Variants in XYLB observed in about 807,000 individuals in gnomAD.
XYLB encodes xylulose kinase.
Under a neutral mutation model 78.7 loss-of-function variants are expected in XYLB, and 62 were observed. The observed-to-expected ratio is 0.79, with a 90% CI of 0.64 to 0.97. XYLB has a LOEUF of 0.97. Among genes scored for constraint, XYLB ranks in the 50% least tolerant of loss-of-function variants. XYLB has a pLI of 0.00. For synonymous variants in XYLB, 245 were observed against 247.4 expected, an observed-to-expected ratio of 0.99 and a Z score of 0.09; for missense variants, 687 against 676.8, an observed-to-expected ratio of 1.02 and a Z score of -0.17.
At chr3:38,402,571 C>T (rs142526861) in intron 18 of XYLB, among the ~76,000 whole-genome samples, 3 of 152,312 alleles carry the variant, frequency 2.0e-5, no homozygotes, top group Admixed American at 6.5e-5. Context: ...AGATAAAGGA[C>T]ATTTAAGTTC....
the XYLB span, among the ~76,000 whole-genome samples, chr3:38,444,945 C>T: frequency 6.6e-6 from 1 of 152,146 alleles, no homozygotes; most frequent in African/African-American, 2.4e-5. Context: ...TTTAGTGGCC[C>T]TTACCGACAC....
rs750727433 is a variant in XYLB at position 38,400,981 on chromosome 3, C to T, written c.1529C>T (p.Ser510Phe). 1.2e-6 allele frequency: 2 copies of T among 1,613,998 alleles called. No homozygotes were observed. Among genetic ancestry groups the T allele is most frequent in the Admixed American group, 1.7e-5 (1 of 60,004 alleles). ...RLAATPSPGASQVYEALLPQY... is the reference protein window; with the variant it reads ...RLAATPSPGAFQVYEALLPQY... ...GCTGCTACCCCAAGCCCGGGAGCTT[C>T]TCAGGTGAGAGACCATCGGAATTTG... The change falls in exon 18 of 19, where the codon TCT becomes TTT. Residue 510 changes from serine to phenylalanine, a missense_variant. Coordinates refer to ENST00000207870, the MANE Select transcript of XYLB (RefSeq NM_005108.4).
intron 18 of XYLB, among the ~76,000 whole-genome samples, chr3:38,411,984 C>CTT (rs5848424): frequency 4.3e-5 from 6 of 138,194 alleles, no homozygotes; most frequent in Admixed American, 7.2e-5. Context: ...GATCTCAACT[C>CTT]TTTTTTTTTT....
chr3:38,413,120 C>G lies in XYLB; in HGVS notation c.*107C>G. On this transcript the variant is annotated 3_prime_UTR_variant, in exon 19 of 19. Coordinates refer to ENST00000207870, the MANE Select transcript of XYLB (RefSeq NM_005108.4). ...CTCTGTTCTGAACAGCTCTTCCTGC[C>G]CCTACTGACTCCTTGGAGTGTCCAG... 1.8e-6 allele frequency: 2 copies of G among 1,123,004 alleles called. No individual in the cohort carries two copies. The allele number at this position is 1,123,004 out of a possible 1,614,324, so 69.6% of individuals were successfully genotyped here. A position where few individuals can be genotyped will look rare whatever the true frequency, so the allele number is the denominator to read the frequency against.
At chr3:38,421,163 C>T (rs1183095840), downstream of XYLB, 1 of 152,290 alleles carries the variant, frequency 6.6e-6, no homozygotes, top group Non-Finnish European at 1.5e-5. Flanking sequence ...CGCTGTCACC[C>T]CTGATCCCCA....
Position 38,376,931 on chromosome 3 carries a change from T to G in XYLB, c.1134T>G (p.Asp378Glu). Residue 378 changes from aspartate to glutamate, a missense_variant, in exon 14 of 19, where the codon GAT becomes GAG. Physicochemically the swap from Asp to Glu is conservative, Grantham distance 45. Coordinates refer to ENST00000207870, the MANE Select transcript of XYLB (RefSeq NM_005108.4). ...GNGGNLGFYF[D>E]VMEITPEIIG... Reference sequence around the variant, plus strand: ...GTTTTATTTCAGGTTTTTATTTTGATGTAATGGAGATCACCCCTGAAATTA... The same window carrying G: ...GTTTTATTTCAGGTTTTTATTTTGAGGTAATGGAGATCACCCCTGAAATTA... The G allele has an allele frequency of 6.2e-7, 1 of 1,614,030 alleles. No homozygotes were observed. Among genetic ancestry groups the G allele is most frequent in the East Asian group, 2.2e-5 (1 of 44,888 alleles).
intron 4 of XYLB, among the ~76,000 whole-genome samples, chr3:38,363,402 T>C (rs1706080689): frequency 1.3e-5 from 2 of 150,766 alleles, no homozygotes; most frequent in South Asian, 4.3e-4. Flanking sequence ...GATAGTAGTT[T>C]CAGTAGAAGG....
chr3:38,401,024 A>G (rs1708104023), intron 18 of XYLB, 39 bp downstream of exon 18: 4 of 1,588,932 alleles, frequency 2.5e-6, no homozygotes, highest in African/African-American at 2.7e-5. Flanking sequence ...CATTTGCATT[A>G]TGAAAGCCCG....
downstream of XYLB, among the ~76,000 whole-genome samples, chr3:38,415,981 C>A (rs183948778): frequency 2.0e-3 from 305 of 152,136 alleles, 1 homozygote; most frequent in African/African-American, 6.7e-3. Flanking sequence ...GGAAAACTGT[C>A]TTATAAAACC....
Position 38,372,691 on chromosome 3 carries a change from T to G in XYLB, c.802T>G (p.Phe268Val), listed in dbSNP as rs753590633. The G allele has an allele frequency of 1.9e-6, 3 of 1,614,152 alleles. No homozygotes were observed. The highest frequency in any genetic ancestry group is 2.2e-5 in the East Asian group (1 of 44,878). Residue 268 changes from phenylalanine (F) to valine (V), a missense_variant, in exon 10 of 19, where the codon TTT (phenylalanine) becomes GTT (valine). By Grantham distance (50) the Phe-to-Val change is conservative. Coordinates refer to ENST00000207870, the MANE Select transcript of XYLB (RefSeq NM_005108.4). ...TTCCTACTACGTCCAGCGCTACGGA[T>G]TTCCTCCAGGATGCAAAGTGGTGGC... ...ISSYYVQRYG[F>V]PPGCKVVAFT...
At chr3:38,371,840 G>A (rs1706582068) in intron 9 of XYLB, among the ~76,000 whole-genome samples, 1 of 152,220 alleles carries the variant, frequency 6.6e-6, no homozygotes, top group Non-Finnish European at 1.5e-5. Flanking sequence ...GAAGCTGACA[G>A]CACAGCTTTC....
the XYLB span, among the ~76,000 whole-genome samples, chr3:38,432,135 A>G: frequency 6.6e-6 from 1 of 152,042 alleles, no homozygotes; most frequent in African/African-American, 2.4e-5. Flanking sequence ...CTGTCCTCAC[A>G]TTTCAAAACA....
intron 15 of XYLB, among the ~76,000 whole-genome samples, chr3:38,380,240 A>G (rs1217130526): frequency 6.6e-6 from 1 of 152,142 alleles, no homozygotes; most frequent in African/African-American, 2.4e-5. Context: ...CACATATTCA[A>G]ACCATAGCAA....
chr3:38,437,036 A>AATAATAATAATT, the XYLB span, among the ~76,000 whole-genome samples: 2 of 147,272 alleles, frequency 1.4e-5, no homozygotes, highest in African/African-American at 4.9e-5. Flanking sequence ...TAATAATAAT[A>AATAATAATAATT]ATAATAATAA....
intron 18 of XYLB, among the ~76,000 whole-genome samples, chr3:38,408,055 C>G (rs1399614183): frequency 6.6e-6 from 1 of 151,902 alleles, no homozygotes; most frequent in Admixed American, 6.6e-5. Context: ...CTACAGAACT[C>G]TCCACCCCAA....
chr3:38,412,305 T>G (rs7637423), intron 18 of XYLB, among the ~76,000 whole-genome samples: 3,842 of 152,248 alleles, frequency 0.025, 165 homozygotes, highest in African/African-American at 0.086. Flanking sequence ...CTCAACTGTT[T>G]GTGCCTGGGC....
chr3:38,419,675 A>T (rs1708916533), downstream of XYLB, among the ~76,000 whole-genome samples: 1 of 145,396 alleles, frequency 6.9e-6, no homozygotes, highest in African/African-American at 2.5e-5. Context: ...ATGACTAGTG[A>T]TGTTAAGCAC....
At chr3:38,404,925 G>A (rs535074203) in intron 18 of XYLB, among the ~76,000 whole-genome samples, 7 of 152,306 alleles carry the variant, frequency 4.6e-5, no homozygotes, top group Non-Finnish European at 8.8e-5. Context: ...CTTGCGAGTC[G>A]CAGGAAAATC....
intron 15 of XYLB, among the ~76,000 whole-genome samples, chr3:38,382,998 C>T (rs534655094): frequency 1.3e-5 from 2 of 152,322 alleles, no homozygotes; most frequent in African/African-American, 2.4e-5. Context: ...CCAGCTCTTT[C>T]GTTCTTGCCC....
Sources: gnomAD v4.1 joint callset for allele counts (sites outside exome capture counted in the v4.1 genomes callset) on GRCh38, gnomAD v4.1.1 for gene constraint, MANE v1.5 for transcripts, NCBI Gene and HGNC (gene_info 2026-07-23, HGNC 2026-07-21) for gene names.